DPYD: variants seen among roughly 807,000 people sequenced by gnomAD.
DPYD encodes the protein dihydropyrimidine dehydrogenase, also known as dihydropyrimidine dehydrogenase [NADP(+)].
A neutral mutation model predicts 116.2 loss-of-function variants in DPYD; 109 were observed. The observed-to-expected ratio is 0.94, with a 90% confidence interval of 0.80 to 1.10. The LOEUF (loss-of-function observed/expected upper bound fraction) is 1.10. Among genes scored for constraint, DPYD ranks in the 50% least tolerant of loss-of-function variants. The pLI, the probability that DPYD is intolerant of heterozygous loss-of-function variation, is 0.00. For synonymous variants in DPYD, 440 were observed against 432.0 expected (o/e 1.02, Z -0.23); for missense variants, 1,302 against 1,254.5 (o/e 1.04, Z -0.57).
intron 8 of DPYD, among the ~76,000 whole-genome samples, chr1:97,605,582 T>C (rs1655536857): frequency 6.6e-6 from 1 of 152,054 alleles, no homozygotes; most frequent in Admixed American, 6.6e-5. Flanking sequence ...CTTTATAAAT[T>C]ATCCAGTCTT....
rs1028210817 is a variant in DPYD at position 97,382,471 on chromosome 1, G to C, written c.1906-10C>G. On this transcript the variant is annotated splice_polypyrimidine_tract_variant and intron_variant, in intron 14 of 22. Transcript: ENST00000370192. ...TGCTAGCAATCACAATCTTTAAAAA[G>C]AAAAACAAAAGAATATAAGTTCAAG... is the stretch of plus-strand genomic sequence containing the variant. 1.3e-6 allele frequency: 2 copies of C among 1,560,364 alleles called. No homozygotes were observed. Among genetic ancestry groups the C allele is most frequent in the African/African-American group, 1.4e-5 (1 of 73,408 alleles).
At chr1:97,292,283 A>T (rs1247570990) in intron 18 of DPYD, among the ~76,000 whole-genome samples, 1 of 152,148 alleles carries the variant, frequency 6.6e-6, no homozygotes, top group Non-Finnish European at 1.5e-5. Flanking sequence ...GTAATGTATA[A>T]AAGAAAGAGA....
intron 20 of DPYD, among the ~76,000 whole-genome samples, chr1:97,110,587 C>T (rs918181688): frequency 6.6e-6 from 1 of 152,102 alleles, no homozygotes; most frequent in African/African-American, 2.4e-5. Context: ...CATAACAAAA[C>T]AATTTCTGTG....
Position 97,077,970 on chromosome 1 carries a change from T to C in DPYD, c.*1006A>G, listed in dbSNP as rs976574994. On this transcript the variant is annotated 3_prime_UTR_variant, in exon 23 of 23. Coordinates refer to ENST00000370192, the MANE Select transcript of DPYD (RefSeq NM_000110.4). ...TTTATATGACACTATTTACTGATTA[T>C]GAAAATAGAGAAATACAAAAATATT... 28 of 152,110 alleles carry C rather than the reference T, an allele frequency of 1.8e-4. No homozygotes were observed. Among genetic ancestry groups the C allele is most frequent in the African/African-American group, 6.8e-4 (28 of 41,434 alleles). 9.4% of individuals were successfully genotyped at this position (152,110 alleles called of 1,614,324 possible). A position where few individuals can be genotyped will look rare whatever the true frequency, so the allele number is the denominator to read the frequency against.
intron 16 of DPYD, among the ~76,000 whole-genome samples, chr1:97,328,374 C>G (rs572566007): frequency 6.6e-6 from 1 of 152,022 alleles, no homozygotes; most frequent in Admixed American, 6.6e-5. Context: ...TGGCATGCAG[C>G]GAAAACCAGT....
chr1:97,649,301 C>T (rs977294081), intron 8 of DPYD, among the ~76,000 whole-genome samples: 1 of 151,914 alleles, frequency 6.6e-6, no homozygotes, highest in African/African-American at 2.4e-5. Context: ...ATGACTATTT[C>T]CATTTAAAAA....
chr1:97,538,569 A>C (rs1388206983), intron 12 of DPYD, among the ~76,000 whole-genome samples: 1 of 152,234 alleles, frequency 6.6e-6, no homozygotes, highest in Admixed American at 6.5e-5. Context: ...GTAGAAAAGT[A>C]GGTCACCAAT....
chr1:97,560,390 T>C (rs1006184449), intron 11 of DPYD, among the ~76,000 whole-genome samples: 3 of 151,950 alleles, frequency 2.0e-5, no homozygotes, highest in African/African-American at 7.3e-5. Context: ...CGTAAAAAGG[T>C]GACACTTGCA....
intron 13 of DPYD, among the ~76,000 whole-genome samples, chr1:97,475,402 A>G (rs1417209050): frequency 6.6e-6 from 1 of 152,228 alleles, no homozygotes; most frequent in African/African-American, 2.4e-5. Context: ...AAAAACAGTG[A>G]CAATAAATGA....
chr1:97,780,213 A>T (rs973486041), intron 3 of DPYD, among the ~76,000 whole-genome samples: 1 of 152,234 alleles, frequency 6.6e-6, no homozygotes, highest in Non-Finnish European at 1.5e-5. Flanking sequence ...TAACAAAAAC[A>T]TTTCAGTAAA....
In DPYD at chr1:97,306,386, C is replaced by A. The variant is rs996038083; in HGVS notation, c.2059-89G>T. On this transcript the variant is annotated intron_variant, in intron 16 of 22. Coordinates refer to ENST00000370192, the MANE Select transcript of DPYD (RefSeq NM_000110.4). ...GAACAACAGCAAAGCTGGAGACGTGCAAGACAAATCCAACTTGACAATGAG... is the reference window on the plus strand; with the variant it reads ...GAACAACAGCAAAGCTGGAGACGTGAAAGACAAATCCAACTTGACAATGAG... The A allele has an allele frequency of 5.8e-6, 9 of 1,541,724 alleles. No homozygotes were observed. The East Asian group carries it at 1.6e-4, about 27-fold the overall frequency.
chr1:97,328,707 A>G (rs1668831730), intron 16 of DPYD, among the ~76,000 whole-genome samples: 1 of 152,142 alleles, frequency 6.6e-6, no homozygotes, highest in Admixed American at 6.6e-5. Flanking sequence ...ACAGAACTAT[A>G]TCCTACTAGA....
At chr1:97,488,246 G>C (rs571637543) in intron 13 of DPYD, among the ~76,000 whole-genome samples, 20 of 152,126 alleles carry the variant, frequency 1.3e-4, no homozygotes, top group Middle Eastern at 3.4e-3. Flanking sequence ...AGAGATAGAG[G>C]ACAGATTATG....
At chr1:97,520,927 A>G (rs1008652482) in intron 12 of DPYD, among the ~76,000 whole-genome samples, 2 of 150,630 alleles carry the variant, frequency 1.3e-5, no homozygotes, top group East Asian at 3.9e-4. Context: ...ATAGTGCTTC[A>G]ATAAACATGT....
intron 18 of DPYD, among the ~76,000 whole-genome samples, chr1:97,292,685 C>G (rs1056760528): frequency 1.3e-5 from 2 of 151,192 alleles, no homozygotes; most frequent in African/African-American, 2.4e-5. Context: ...CACCCAGACA[C>G]AAACACACAT....
chr1:97,783,714 AGT>A (rs1193031047), intron 3 of DPYD, among the ~76,000 whole-genome samples: 1 of 152,160 alleles, frequency 6.6e-6, no homozygotes, highest in Admixed American at 6.6e-5. Flanking sequence ...TTTTAATCAA[AGT>A]AAGGAGGCAT....
chr1:97,598,624 G>A (rs1415017556), intron 8 of DPYD, among the ~76,000 whole-genome samples: 1 of 151,726 alleles, frequency 6.6e-6, no homozygotes, highest in Non-Finnish European at 1.5e-5. Flanking sequence ...AGGGAAGGAG[G>A]GAGGGAGGGA....
chr1:97,790,239 G>A (rs17100628), intron 3 of DPYD, among the ~76,000 whole-genome samples: 3,743 of 152,214 alleles, frequency 0.025, 168 homozygotes, highest in African/African-American at 0.086. Flanking sequence ...GGTTCAAAAC[G>A]AATACTCTTC....
chr1:97,379,151 C>T (rs888817100), intron 15 of DPYD, among the ~76,000 whole-genome samples: 1 of 152,008 alleles, frequency 6.6e-6, no homozygotes, highest in African/African-American at 2.4e-5. Flanking sequence ...GAAGAGAGAA[C>T]ATTGCAGGCC....
Sources: allele counts gnomAD v4.1 joint callset (sites outside exome capture counted in the v4.1 genomes callset), GRCh38; gene constraint gnomAD v4.1.1; transcripts MANE v1.5; gene names NCBI Gene and HGNC (gene_info 2026-07-23, HGNC 2026-07-21).